Variants in RIMS2 observed in about 807,000 individuals in gnomAD.
The protein encoded by RIMS2 is regulating synaptic membrane exocytosis 2, also known as regulating synaptic membrane exocytosis protein 2.
A neutral mutation model predicts 174.4 loss-of-function variants in RIMS2; 59 were observed. That is an observed-to-expected ratio of 0.34 (90% CI 0.27 to 0.42). The LOEUF is 0.42. Ranked by LOEUF, RIMS2 falls within the 10% of genes least tolerant of loss-of-function variation. The pLI is 1.00. For missense variants in RIMS2, 1,620 were observed against 1,666.3 expected, an observed-to-expected ratio of 0.97 and a Z score of 0.48; for synonymous variants, 606 against 572.5, an observed-to-expected ratio of 1.06 and a Z score of -0.84.
intron 4 of RIMS2, among the ~76,000 whole-genome samples, chr8:103,897,111 A>G (rs1165933353): frequency 6.6e-6 from 1 of 151,594 alleles, no homozygotes; most frequent in African/African-American, 2.4e-5. Flanking sequence ...ACTTCTCCAG[A>G]CATCCTTTTC....
chr8:103,653,354 G>A (rs2096484196), intron 1 of RIMS2, among the ~76,000 whole-genome samples: 1 of 152,282 alleles, frequency 6.6e-6, no homozygotes, highest in South Asian at 2.1e-4. Flanking sequence ...GTTCACTTCT[G>A]TAGCATTTTA....
At chr8:104,123,557 G>A (rs981370795) in intron 19 of RIMS2, among the ~76,000 whole-genome samples, 2 of 151,626 alleles carry the variant, frequency 1.3e-5, no homozygotes, top group African/African-American at 4.8e-5. Flanking sequence ...TTTAGAAATA[G>A]CATTTGATAT....
intron 3 of RIMS2, among the ~76,000 whole-genome samples, chr8:103,827,739 G>A (rs1181275019): frequency 2.6e-5 from 4 of 152,108 alleles, no homozygotes. Flanking sequence ...AGAGGTTGAG[G>A]CAGGAGAATC....
chr8:103,557,483 T>C (rs1215494086), intron 1 of RIMS2, among the ~76,000 whole-genome samples: 2 of 152,246 alleles, frequency 1.3e-5, no homozygotes, highest in Admixed American at 6.5e-5. Flanking sequence ...ATATTGGTTT[T>C]AGACTTTGTG....
At chr8:103,778,449 T>C (rs887203555) in intron 3 of RIMS2, among the ~76,000 whole-genome samples, 1 of 152,082 alleles carries the variant, frequency 6.6e-6, no homozygotes, top group Non-Finnish European at 1.5e-5. Context: ...ATCAATCTAC[T>C]TTCTAGAGAT....
intron 1 of RIMS2, among the ~76,000 whole-genome samples, chr8:103,594,651 T>C (rs138135771): frequency 2.0e-5 from 3 of 151,898 alleles, no homozygotes; most frequent in African/African-American, 7.2e-5. Flanking sequence ...TGTTCTCTGA[T>C]AAAAGGGAAT....
intron 1 of RIMS2, among the ~76,000 whole-genome samples, chr8:103,605,346 A>C (rs2095003080): frequency 7.2e-6 from 1 of 139,838 alleles, no homozygotes; most frequent in South Asian, 2.3e-4. Flanking sequence ...CCCAGGGATG[A>C]AGCCCACTTG....
Position 103,875,641 on chromosome 8 carries a change from G to T in RIMS2, c.699-9657G>T, listed in dbSNP as rs1442561393. ...AGATACTCTCAGTAGTGGGTTTGGT[G>T]AATTGAATGGTAGATCTTGTTTTAG... On this transcript the variant is annotated intron_variant, in intron 3 of 23. Transcript: ENST00000504942. Among the ~76,000 whole-genome samples, 4 of 152,126 alleles carry T rather than the reference G, an allele frequency of 2.6e-5. 1 individual carries two copies. Among genetic ancestry groups the T allele is most frequent in the African/African-American group, 9.6e-5 (4 of 41,532 alleles).
chr8:103,858,677 G>A (rs1041301528), intron 3 of RIMS2, among the ~76,000 whole-genome samples: 5 of 145,046 alleles, frequency 3.4e-5, no homozygotes, highest in African/African-American at 1.0e-4. Flanking sequence ...ATATATATAC[G>A]TGTGTGTGTA....
chr8:103,759,564 C>CAAAAAAAAAAAAAAAAA (rs35946104), intron 2 of RIMS2, among the ~76,000 whole-genome samples: 82 of 69,834 alleles, frequency 1.2e-3, no homozygotes, highest in Non-Finnish European at 1.3e-3. Context: ...GACTCCGTCT[C>CAAAAAAAAAAAAAAAAA]AAAAAAAAAA....
chr8:104,118,551 T>C (rs1487971789), intron 19 of RIMS2, among the ~76,000 whole-genome samples: 1 of 151,862 alleles, frequency 6.6e-6, no homozygotes, highest in African/African-American at 2.4e-5. Flanking sequence ...GTATTTTTAG[T>C]GGAGATGGGG....
intron 1 of RIMS2, among the ~76,000 whole-genome samples, chr8:103,588,014 C>A (rs769415258): frequency 1.3e-5 from 2 of 152,004 alleles, no homozygotes; most frequent in Admixed American, 6.6e-5. Flanking sequence ...AACCTAAAGA[C>A]TCCACAAGAC....
intron 2 of RIMS2, among the ~76,000 whole-genome samples, chr8:103,728,704 T>C (rs2097552916): frequency 6.6e-6 from 1 of 151,120 alleles, no homozygotes; most frequent in African/African-American, 2.4e-5. Flanking sequence ...ATACTCAATG[T>C]AGGCCTGTCC....
rs147337875 is a variant in RIMS2, at chr8:104,190,358, C to T, written c.3335-54558C>T. On this transcript the variant is annotated intron_variant, in intron 19 of 23. Coordinates refer to ENST00000504942, the Ensembl canonical transcript of RIMS2. Reference sequence around the variant, plus strand: ...AGATAAGGATCCTTACTCCATCTTTCTAGGAGCGGATCCTTAATCCATCTT... The same window carrying T: ...AGATAAGGATCCTTACTCCATCTTTTTAGGAGCGGATCCTTAATCCATCTT... 5.6e-3 allele frequency among the ~76,000 whole-genome samples: 816 copies of T among 146,074 alleles called. 5 individuals are homozygous for T. The highest frequency in any genetic ancestry group is 0.019 in the African/African-American group (756 of 39,502).
At chr8:103,975,623 C>T (rs965134399) in intron 16 of RIMS2, 117 bp downstream of exon 18, 1 of 668,938 alleles carries the variant, frequency 1.5e-6, no homozygotes, top group Non-Finnish European at 2.5e-6. Context: ...GGAGAATTGG[C>T]TCATATGATT....
intron 19 of RIMS2, among the ~76,000 whole-genome samples, chr8:104,147,130 A>C (rs2098646982): frequency 6.6e-6 from 1 of 152,172 alleles, no homozygotes; most frequent in Non-Finnish European, 1.5e-5. Flanking sequence ...TATCAAAATA[A>C]AACAAACTTG....
intron 3 of RIMS2, among the ~76,000 whole-genome samples, chr8:103,797,841 C>A (rs2098561504): frequency 6.6e-6 from 1 of 152,134 alleles, no homozygotes. Flanking sequence ...GGCAGCGTGA[C>A]CTATGTCCCA....
chr8:103,604,506 T>G (rs925762319), intron 1 of RIMS2, among the ~76,000 whole-genome samples: 112 of 152,150 alleles, frequency 7.4e-4, no homozygotes, highest in African/African-American at 2.4e-3. Flanking sequence ...CCATATGAAC[T>G]TTAAAGTAGT....
intron 19 of RIMS2, among the ~76,000 whole-genome samples, chr8:104,136,669 C>T (rs2098523232): frequency 6.6e-6 from 1 of 152,014 alleles, no homozygotes; most frequent in South Asian, 2.1e-4. Flanking sequence ...GAGCTGGAGG[C>T]CATTATCCTT....
Sources: allele counts gnomAD v4.1 joint callset (sites outside exome capture counted in the v4.1 genomes callset), GRCh38; gene constraint gnomAD v4.1.1; transcripts MANE v1.5; gene names NCBI Gene and HGNC (gene_info 2026-07-23, HGNC 2026-07-21).